The following KDM1A variants were observed in gnomAD, a reference collection of about 807,000 sequenced individuals.
KDM1A encodes lysine demethylase 1A, also known as lysine-specific histone demethylase 1A.
In KDM1A, 49 loss-of-function variants were observed where a neutral mutation model predicts 109.4. The ratio of observed to expected loss-of-function variants is 0.45; its 90% CI spans 0.36 to 0.57. The LOEUF (loss-of-function observed/expected upper bound fraction) is 0.57. Among genes scored for constraint, KDM1A ranks in the 20% least tolerant of loss-of-function variants. KDM1A has a pLI of 0.00. For missense variants in KDM1A, 668 were observed against 1,116.6 expected (o/e 0.60, Z 5.73); for synonymous variants, 380 against 415.4 (o/e 0.91, Z 1.04).
chr1:23,082,428 T>G, intron 20 of KDM1A, 62 bp downstream of exon 20: 1 of 1,402,308 alleles, frequency 7.1e-7, no homozygotes. Flanking sequence ...ATGATGTCCC[T>G]GATTTTTTTT....
At position 23,061,052 on chromosome 1, in the gene KDM1A, T is replaced by G. The variant is rs897459746; in HGVS notation, c.1167+1885T>G. Among the ~76,000 whole-genome samples, 3 of 152,334 alleles carry G rather than the reference T, an allele frequency of 2.0e-5. No individual in the cohort carries two copies. In the South Asian group the frequency reaches 6.2e-4, roughly 32 times the overall value. On this transcript the variant is annotated intron_variant, in intron 9 of 20. Transcript: ENST00000400181. ...TTTCTAACGTAAAGAGAGAACTTTT[T>G]TCTAGTAGAGATATCCAGAGAAATG...
In KDM1A at chr1:23,019,470, C is replaced by T. The variant is rs1407341937; in HGVS notation, c.-127C>T. 4.8e-6 allele frequency: 6 copies of T among 1,238,474 alleles called. No homozygotes were observed. Among genetic ancestry groups the T allele is most frequent in the African/African-American group, 1.6e-5 (1 of 63,874 alleles). 76.7% of individuals were successfully genotyped at this position (1,238,474 alleles called of 1,614,324 possible). On this transcript the variant is annotated 5_prime_UTR_variant, in exon 1 of 21. Transcript: ENST00000400181. ...CCCGGCGCGGCGGGAGCGCGCTTGGCGCGTGCGTACGCGACGGCGGTTGGC... is the reference window on the plus strand; with the variant it reads ...CCCGGCGCGGCGGGAGCGCGCTTGGTGCGTGCGTACGCGACGGCGGTTGGC...
At chr1:23,061,067 C>A (rs1422673307) in intron 9 of KDM1A, among the ~76,000 whole-genome samples, 1 of 152,100 alleles carries the variant, frequency 6.6e-6, no homozygotes. Context: ...GTAGAGATAT[C>A]CAGAGAAATG....
At chr1:23,020,489 T>G (rs558237903) in intron 1 of KDM1A, 34 of 152,184 alleles carry the variant, frequency 2.2e-4, no homozygotes, top group African/African-American at 8.2e-4. Context: ...TCTAGTCTTT[T>G]TTTTTTTCTT....
In KDM1A at chr1:23,079,501, C is replaced by T. The variant is rs1210026265; in HGVS notation, c.2056-52C>T. On this transcript the variant is annotated intron_variant, in intron 17 of 20. Coordinates refer to ENST00000400181, the MANE Select transcript of KDM1A (RefSeq NM_001009999.3). The surrounding 1 kb of genome is among the most constrained non-coding windows in gnomAD (Gnocchi z 5.6). Reference sequence around the variant, plus strand: ...GAGACTTTAAGGAAGTCTGTTGAAGCCAGTATTATCTGGCCCCTGTCACTG... The same window carrying T: ...GAGACTTTAAGGAAGTCTGTTGAAGTCAGTATTATCTGGCCCCTGTCACTG... The T allele has an allele frequency of 2.3e-6, 3 of 1,330,500 alleles. No individual in the cohort carries two copies. The African/African-American group carries it at 4.4e-5, about 19-fold the overall frequency. 82.4% of individuals were successfully genotyped at this position (1,330,500 alleles called of 1,614,324 possible).
intron 9 of KDM1A, among the ~76,000 whole-genome samples, chr1:23,061,403 T>C (rs1300851180): frequency 6.6e-6 from 1 of 152,200 alleles, no homozygotes; most frequent in Non-Finnish European, 1.5e-5. Flanking sequence ...GGGATATTTT[T>C]CCCAACGAAA....
At chr1:23,048,901 C>T (rs926749493) in intron 3 of KDM1A, among the ~76,000 whole-genome samples, 3 of 152,010 alleles carry the variant, frequency 2.0e-5, no homozygotes, top group Admixed American at 1.3e-4. Flanking sequence ...GTAATCCCAG[C>T]ACTTTGGGAG....
chr1:23,073,139 A>C (rs1253892253), intron 14 of KDM1A, 153 bp from the exon 15 acceptor site: 11 of 546,666 alleles, frequency 2.0e-5, no homozygotes, highest in Non-Finnish European at 1.9e-5. Context: ...GAGGTTAATA[A>C]GACAGATAAG....
At chr1:23,063,504 T>C (rs1244662855) in intron 9 of KDM1A, among the ~76,000 whole-genome samples, 2 of 152,160 alleles carry the variant, frequency 1.3e-5, no homozygotes, top group Non-Finnish European at 2.9e-5. Flanking sequence ...CTGTTGGCCT[T>C]CTTGGTTTTC....
At chr1:23,020,107 G>A in intron 1 of KDM1A, 160 bp downstream of exon 1, 1 of 771,568 alleles carries the variant, frequency 1.3e-6, no homozygotes, top group Non-Finnish European at 1.8e-6. Flanking sequence ...GGACGGGTGG[G>A]GTGAGAAAGG....
intron 13 of KDM1A, 148 bp downstream of exon 13, chr1:23,071,507 A>AT: frequency 1.5e-6 from 1 of 668,698 alleles, no homozygotes; most frequent in Non-Finnish European, 2.5e-6. Context: ...AGCCATGGGG[A>AT]TTTAATGGGT....
At chr1:23,029,342 A>T (rs1193230334) in intron 1 of KDM1A, among the ~76,000 whole-genome samples, 8 of 152,178 alleles carry the variant, frequency 5.3e-5, no homozygotes, top group Non-Finnish European at 8.8e-5. Context: ...AATAATTAGA[A>T]TTTTTTAATT....
intron 19 of KDM1A, 38 bp downstream of exon 19, chr1:23,081,611 C>T (rs1553133043): frequency 1.2e-6 from 2 of 1,609,790 alleles, no homozygotes; most frequent in Non-Finnish European, 1.7e-6. Flanking sequence ...ATCTAGGGTT[C>T]AGACTCAACC....
chr1:23,050,221 A>T (rs1642626314), intron 3 of KDM1A, among the ~76,000 whole-genome samples, 166 bp from the exon 4 acceptor site: 1 of 152,220 alleles, frequency 6.6e-6, no homozygotes, highest in Admixed American at 6.5e-5. Context: ...TTGGAATGTT[A>T]AGCTCAAATA....
intron 15 of KDM1A, 28 bp downstream of exon 15, chr1:23,073,431 T>G (rs1423189119): frequency 2.4e-6 from 3 of 1,238,474 alleles, no homozygotes; most frequent in Non-Finnish European, 3.6e-6. Context: ...TTTATTTTAT[T>G]GCACATGCCT....
At chr1:23,028,042 T>C (rs1184825203) in intron 1 of KDM1A, among the ~76,000 whole-genome samples, 4 of 152,226 alleles carry the variant, frequency 2.6e-5, no homozygotes, top group Non-Finnish European at 4.4e-5. Context: ...CTAAGAACCC[T>C]TTCTAGACCA....
chr1:23,076,831 A>G (rs943335321), intron 15 of KDM1A, among the ~76,000 whole-genome samples: 1 of 151,996 alleles, frequency 6.6e-6, no homozygotes, highest in African/African-American at 2.4e-5. Flanking sequence ...GTGTGGTGGT[A>G]CATGCCTGTA....
Position 23,063,231 on chromosome 1 carries a change from GGTGT to G in KDM1A, c.1168-2808_1168-2805del, listed in dbSNP as rs755287896. 6.8e-4 allele frequency among the ~76,000 whole-genome samples: 20 copies of G among 29,532 alleles called. 1 individual carries two copies. The highest frequency in any genetic ancestry group is 9.4e-4 in the African/African-American group (11 of 11,728). The allele number at this position is 29,532 out of a possible 152,430, so 19.4% of individuals were successfully genotyped here. On this transcript the variant is annotated intron_variant, in intron 9 of 20. Coordinates refer to ENST00000400181, the MANE Select transcript of KDM1A (RefSeq NM_001009999.3). ...GTGTGGTGTGGGGTGGGTGTGTGTG[GGTGT>G]GTGTGTGTGTGTGTGTGTGTACCAG...
chr1:23,021,589 C>T (rs1641631041), intron 1 of KDM1A, among the ~76,000 whole-genome samples: 1 of 152,132 alleles, frequency 6.6e-6, no homozygotes, highest in Admixed American at 6.5e-5. Context: ...TGCTTGAACC[C>T]GGGAGGCAGA....
Sources: allele counts gnomAD v4.1 joint callset (sites outside exome capture counted in the v4.1 genomes callset), GRCh38; gene constraint gnomAD v4.1.1; non-coding constraint Gnocchi (gnomAD v3.1); transcripts MANE v1.5; gene names NCBI Gene and HGNC (gene_info 2026-07-23, HGNC 2026-07-21).